Variants in GPC5 observed in about 807,000 individuals in gnomAD.
The protein encoded by GPC5 is glypican-5.
GPC5 carries 47 observed loss-of-function variants against 53.9 expected under a neutral mutation model. The ratio of observed to expected loss-of-function variants is 0.87; its 90% CI spans 0.69 to 1.11. GPC5 has a LOEUF of 1.11. Ranked by LOEUF, GPC5 falls within the 50% of genes most tolerant of loss-of-function variation. The pLI is 0.00. For synonymous variants in GPC5, 286 were observed against 263.3 expected (o/e 1.09, Z -0.84); for missense variants, 748 against 713.1 (o/e 1.05, Z -0.56).
chr13:92,638,047 C>T (rs372414252), intron 7 of GPC5, among the ~76,000 whole-genome samples: 124 of 151,996 alleles, frequency 8.2e-4, no homozygotes, highest in South Asian at 2.9e-3. Flanking sequence ...TAGAAAGCAA[C>T]TGAAATGAAA....
chr13:92,639,983 TCTCTCTCA>T (rs1594373220), intron 7 of GPC5, among the ~76,000 whole-genome samples: 2 of 151,442 alleles, frequency 1.3e-5, no homozygotes, highest in Non-Finnish European at 2.9e-5. Context: ...TCTCTCTCTC[TCTCTCTCA>T]CTCTCTCTCA....
At chr13:92,138,413 G>A (rs759473825) in intron 6 of GPC5, among the ~76,000 whole-genome samples, 11 of 151,856 alleles carry the variant, frequency 7.2e-5, no homozygotes, top group Non-Finnish European at 1.0e-4. Flanking sequence ...CCAGCTACTC[G>A]GTAGGCTGAC....
Position 92,487,430 on chromosome 13 carries a change from G to T in GPC5, c.1561+342441G>T, listed in dbSNP as rs139315689. Among the ~76,000 whole-genome samples the T allele has an allele frequency of 3.4e-3, 514 of 152,212 alleles. 5 individuals are homozygous for T. Among genetic ancestry groups the T allele is most frequent in the African/African-American group, 0.012 (501 of 41,536 alleles). On this transcript the variant is annotated intron_variant, in intron 7 of 7. Transcript: ENST00000377067. Reference sequence around the variant, plus strand: ...TCTTAGTTGTGTCTAAAATTGCATTGTCATGATTCACCAAAGGCATGTCAT... The same window carrying T: ...TCTTAGTTGTGTCTAAAATTGCATTTTCATGATTCACCAAAGGCATGTCAT...
At chr13:92,005,764 G>T (rs1719580970) in intron 6 of GPC5, among the ~76,000 whole-genome samples, 1 of 152,040 alleles carries the variant, frequency 6.6e-6, no homozygotes, top group Admixed American at 6.6e-5. Flanking sequence ...AATATCTGCT[G>T]GTTCTTCTGC....
intron 2 of GPC5, among the ~76,000 whole-genome samples, chr13:91,470,116 CTTG>C (rs1257276245): frequency 2.6e-5 from 4 of 152,182 alleles, no homozygotes; most frequent in African/African-American, 7.2e-5. Flanking sequence ...AGTTTTGTCA[CTTG>C]TTGTATTAAG....
At chr13:91,685,173 C>T (rs541789711) in intron 2 of GPC5, among the ~76,000 whole-genome samples, 3 of 152,114 alleles carry the variant, frequency 2.0e-5, no homozygotes, top group South Asian at 4.2e-4. Context: ...ATGGTGGTGG[C>T]GCTTGTCTGT....
intron 7 of GPC5, among the ~76,000 whole-genome samples, chr13:92,619,970 A>T (rs2139113101): frequency 6.6e-6 from 1 of 152,238 alleles, no homozygotes; most frequent in African/African-American, 2.4e-5. Flanking sequence ...AAAATAAATA[A>T]GTCAAGATGT....
At chr13:92,603,985 T>C (rs1884168043) in intron 7 of GPC5, among the ~76,000 whole-genome samples, 1 of 152,170 alleles carries the variant, frequency 6.6e-6, no homozygotes, top group Non-Finnish European at 1.5e-5. Flanking sequence ...TTAACATTAA[T>C]AGAGGACAGA....
intron 5 of GPC5, among the ~76,000 whole-genome samples, chr13:91,821,853 A>G (rs1038402666): frequency 6.6e-6 from 1 of 152,198 alleles, no homozygotes; most frequent in Non-Finnish European, 1.5e-5. Flanking sequence ...ATCTGTAACT[A>G]TGAATAGAAT....
chr13:91,970,512 C>G (rs2040231679), intron 6 of GPC5, among the ~76,000 whole-genome samples: 1 of 151,644 alleles, frequency 6.6e-6, no homozygotes, highest in Admixed American at 6.6e-5. Flanking sequence ...CTGTGATAGT[C>G]ATTTCACAGT....
intron 7 of GPC5, among the ~76,000 whole-genome samples, chr13:92,267,381 G>A (rs939881250): frequency 1.3e-5 from 2 of 151,888 alleles, no homozygotes; most frequent in African/African-American, 4.8e-5. Flanking sequence ...ATGAGAAAAT[G>A]TCTTCCTTAA....
chr13:92,751,108 C>G (rs1889376825), intron 7 of GPC5, among the ~76,000 whole-genome samples: 1 of 151,584 alleles, frequency 6.6e-6, no homozygotes, highest in Non-Finnish European at 1.5e-5. Flanking sequence ...TTTACTAAAC[C>G]ATAACACAAT....
intron 6 of GPC5, among the ~76,000 whole-genome samples, chr13:92,022,723 A>C (rs2040769254): frequency 6.6e-6 from 1 of 152,012 alleles, no homozygotes; most frequent in African/African-American, 2.4e-5. Context: ...ATCAGCCCCA[A>C]ATATAAAATA....
intron 7 of GPC5, among the ~76,000 whole-genome samples, chr13:92,412,787 C>T (rs1377057245): frequency 6.6e-6 from 1 of 152,126 alleles, no homozygotes; most frequent in South Asian, 2.1e-4. Flanking sequence ...TACCTCTCTA[C>T]TGAAATATCG....
chr13:92,127,416 T>TA (rs201010595), intron 6 of GPC5, among the ~76,000 whole-genome samples: 53 of 149,762 alleles, frequency 3.5e-4, no homozygotes, highest in South Asian at 4.2e-4. Context: ...TTATACAGGG[T>TA]AAAAAAAAAA....
chr13:91,552,821 G>A (rs1444170931), intron 2 of GPC5, among the ~76,000 whole-genome samples: 2 of 152,074 alleles, frequency 1.3e-5, no homozygotes, highest in Non-Finnish European at 2.9e-5. Flanking sequence ...TTTTATTTAT[G>A]GCCAGTTTTG....
At chr13:92,383,687 T>A (rs753227354) in intron 7 of GPC5, among the ~76,000 whole-genome samples, 20 of 152,182 alleles carry the variant, frequency 1.3e-4, no homozygotes, top group Non-Finnish European at 2.2e-4. Flanking sequence ...TCTCTTTATG[T>A]AATTATTTCA....
chr13:92,233,603 T>C (rs545964423), intron 7 of GPC5, among the ~76,000 whole-genome samples: 1 of 152,342 alleles, frequency 6.6e-6, no homozygotes, highest in East Asian at 1.9e-4. Flanking sequence ...ATATGCATTA[T>C]TCTTTCATTA....
At chr13:91,679,615 C>A (rs964862788) in intron 2 of GPC5, among the ~76,000 whole-genome samples, 6 of 152,132 alleles carry the variant, frequency 3.9e-5, no homozygotes, top group Non-Finnish European at 7.4e-5. Flanking sequence ...CAATGGTGAG[C>A]AAAACTGCTG....
Sources: gnomAD v4.1 joint callset for allele counts (sites outside exome capture counted in the v4.1 genomes callset) on GRCh38, gnomAD v4.1.1 for gene constraint, MANE v1.5 for transcripts, NCBI Gene and HGNC (gene_info 2026-07-23, HGNC 2026-07-21) for gene names.